MMP16: variants seen among roughly 807,000 people sequenced by gnomAD.
MMP16 encodes the protein matrix metallopeptidase 16.
Under a neutral mutation model 67.8 loss-of-function variants are expected in MMP16, and 12 were observed. The observed-to-expected ratio is 0.18, with a 90% CI of 0.11 to 0.29. MMP16 has a LOEUF of 0.29. Among genes scored for constraint, MMP16 ranks in the 10% least tolerant of loss-of-function variants. The pLI is 1.00. For synonymous variants in MMP16, 249 were observed against 255.9 expected, an observed-to-expected ratio of 0.97 and a Z score of 0.26; for missense variants, 475 against 765.7, an observed-to-expected ratio of 0.62 and a Z score of 4.48.
At chr8:88,326,944 T>C in intron 1 of MMP16, 131 bp downstream of exon 1, 1 of 1,204,658 alleles carries the variant, frequency 8.3e-7, no homozygotes, top group East Asian at 2.4e-5. Flanking sequence ...AACCAGGGTC[T>C]CCACAGCTGG....
At chr8:88,107,571 G>C (rs1586155145) in intron 6 of MMP16, among the ~76,000 whole-genome samples, 1 of 151,088 alleles carries the variant, frequency 6.6e-6, no homozygotes, top group Non-Finnish European at 1.5e-5. Flanking sequence ...GATACAAAGA[G>C]TCAAAATTTT....
intron 3 of MMP16, among the ~76,000 whole-genome samples, chr8:88,172,733 T>A (rs1458364648): frequency 2.0e-5 from 3 of 152,192 alleles, no homozygotes; most frequent in Non-Finnish European, 4.4e-5. Context: ...ATTTCATTTT[T>A]TGAAGTATAT....
intron 7 of MMP16, among the ~76,000 whole-genome samples, chr8:88,070,366 G>T (rs1313792323): frequency 6.6e-6 from 1 of 152,098 alleles, no homozygotes; most frequent in East Asian, 1.9e-4. Flanking sequence ...CACTACTGAG[G>T]TAAGGCCCTT....
intron 7 of MMP16, 45 bp from the exon 8 acceptor site, chr8:88,056,323 A>G (rs761588951): frequency 9.6e-7 from 1 of 1,046,016 alleles, no homozygotes; most frequent in Non-Finnish European, 1.3e-6. Flanking sequence ...ATTTAATGTC[A>G]TAATTAGAAT....
chr8:88,086,958 A>G (rs1413854731), intron 6 of MMP16, among the ~76,000 whole-genome samples: 1 of 151,886 alleles, frequency 6.6e-6, no homozygotes, highest in Admixed American at 6.6e-5. Flanking sequence ...ATGTTCAAAG[A>G]TAGGGAGAGA....
intron 1 of MMP16, among the ~76,000 whole-genome samples, chr8:88,303,365 C>T (rs1811160469): frequency 6.6e-6 from 1 of 152,164 alleles, no homozygotes; most frequent in South Asian, 2.1e-4. Context: ...GTGGTTTGGT[C>T]TACACAGCTG....
chr8:88,264,479 A>G (rs1810443316), intron 1 of MMP16, among the ~76,000 whole-genome samples: 3 of 152,180 alleles, frequency 2.0e-5, no homozygotes, highest in Non-Finnish European at 4.4e-5. Flanking sequence ...AGGGTTACAG[A>G]TACGACCAGC....
At chr8:88,280,929 C>T (rs895826932) in intron 1 of MMP16, among the ~76,000 whole-genome samples, 17 of 152,232 alleles carry the variant, frequency 1.1e-4, no homozygotes, top group African/African-American at 3.6e-4. Context: ...CCAACAGTCC[C>T]ATGATATCTT....
chr8:88,185,701 A>G (rs1809062022), intron 3 of MMP16, among the ~76,000 whole-genome samples: 4 of 151,952 alleles, frequency 2.6e-5, no homozygotes. Flanking sequence ...TTTCCTTCCT[A>G]TGGGTCTTAG....
At chr8:88,236,959 T>C (rs560054565) in intron 1 of MMP16, among the ~76,000 whole-genome samples, 82 of 152,304 alleles carry the variant, frequency 5.4e-4, no homozygotes, top group African/African-American at 1.8e-3. Flanking sequence ...TATGTCCATA[T>C]AGTACTTCAC....
intron 3 of MMP16, among the ~76,000 whole-genome samples, chr8:88,176,185 T>G (rs1808887505): frequency 6.6e-6 from 1 of 152,222 alleles, no homozygotes. Context: ...ACCCAGGTTT[T>G]TCCTGCTATA....
At chr8:88,295,326 C>T (rs1455015919) in intron 1 of MMP16, among the ~76,000 whole-genome samples, 7 of 152,104 alleles carry the variant, frequency 4.6e-5, no homozygotes, top group African/African-American at 1.7e-4. Flanking sequence ...CTCTGAGAAT[C>T]CAGAATGTAG....
At chr8:88,042,558 T>C (rs1808147074) in intron 9 of MMP16, among the ~76,000 whole-genome samples, 1 of 152,186 alleles carries the variant, frequency 6.6e-6, no homozygotes, top group African/African-American at 2.4e-5. Context: ...CCTAGCTATA[T>C]TTTAGAGAAC....
intron 1 of MMP16, among the ~76,000 whole-genome samples, chr8:88,263,399 C>T (rs1810421702): frequency 6.6e-6 from 1 of 152,126 alleles, no homozygotes; most frequent in Admixed American, 6.5e-5. Context: ...AAAGCCAAGG[C>T]AGAGAGGAAA....
chr8:88,236,476 G>T (rs979892443), intron 1 of MMP16, among the ~76,000 whole-genome samples: 1 of 152,116 alleles, frequency 6.6e-6, no homozygotes, highest in Non-Finnish European at 1.5e-5. Flanking sequence ...CAGCCCTAGG[G>T]CCAGGCACAG....
chr8:88,150,149 G>A (rs1808378559), intron 4 of MMP16, among the ~76,000 whole-genome samples: 1 of 88,144 alleles, frequency 1.1e-5, no homozygotes, highest in East Asian at 3.0e-4. Flanking sequence ...AAGCGAGAAG[G>A]GAAGGTTAGA....
At chr8:88,081,965 A>G (rs1199699847) in intron 6 of MMP16, among the ~76,000 whole-genome samples, 7 of 152,138 alleles carry the variant, frequency 4.6e-5, no homozygotes, top group African/African-American at 1.7e-4. Flanking sequence ...TTGAAAAATA[A>G]ATGTTTTCGA....
At chr8:88,135,158 C>A (rs983501896) in intron 4 of MMP16, among the ~76,000 whole-genome samples, 7 of 151,688 alleles carry the variant, frequency 4.6e-5, no homozygotes, top group African/African-American at 1.7e-4. Context: ...AATTCTACTA[C>A]ATGCATTTAT....
At chr8:88,176,061 CTAACACA>C in intron 3 of MMP16, among the ~76,000 whole-genome samples, 1 of 152,208 alleles carries the variant, frequency 6.6e-6, no homozygotes, top group African/African-American at 2.4e-5. Flanking sequence ...TGAAAATGGA[CTAACACA>C]GGTAGTATTG....
Sources: allele counts gnomAD v4.1 joint callset (sites outside exome capture counted in the v4.1 genomes callset), GRCh38; gene constraint gnomAD v4.1.1; transcripts MANE v1.5; gene names NCBI Gene and HGNC (gene_info 2026-07-23, HGNC 2026-07-21).